Variants in ANKMY1 observed in about 807,000 individuals in gnomAD.
ANKMY1 encodes ankyrin repeat and MYND domain-containing protein 1.
Under a neutral mutation model 102.0 loss-of-function variants are expected in ANKMY1, and 98 were observed. That is an observed-to-expected ratio of 0.96 (90% CI 0.82 to 1.14). The LOEUF is 1.14. Ranked by LOEUF, ANKMY1 falls within the 50% of genes most tolerant of loss-of-function variation. The pLI is 0.00. For missense variants in ANKMY1, 1,330 were observed against 1,347.6 expected (o/e 0.99, Z 0.20); for synonymous variants, 582 against 559.9 (o/e 1.04, Z -0.56).
chr2:240,517,071 C>A (rs2081335140), intron 9 of ANKMY1, among the ~76,000 whole-genome samples: 1 of 152,180 alleles, frequency 6.6e-6, no homozygotes, highest in African/African-American at 2.4e-5. Flanking sequence ...GGAAACTATG[C>A]AAATATTTTT....
intron 15 of ANKMY1, among the ~76,000 whole-genome samples, chr2:240,498,891 C>T (rs2152012518): frequency 6.6e-6 from 1 of 152,264 alleles, no homozygotes; most frequent in South Asian, 2.1e-4. Flanking sequence ...TGGACAGGCT[C>T]CCCTTCGCCC....
At position 240,500,474 on chromosome 2, in the gene ANKMY1, T is replaced by C. The variant is rs201792868; in HGVS notation, c.2618A>G (p.Tyr873Cys). The C allele has an allele frequency of 5.0e-6, 8 of 1,614,000 alleles. No homozygotes were observed. The highest frequency in any genetic ancestry group is 1.3e-5 in the African/African-American group (1 of 75,046). Residue 873 changes from tyrosine to cysteine, a missense_variant, in exon 14 of 18, where the codon TAT (tyrosine) becomes TGT (cysteine). Physicochemically the swap from Tyr to Cys is radical, Grantham distance 194. Coordinates refer to ENST00000401804, the MANE Select transcript of ANKMY1 (RefSeq NM_001282771.3). ...EKEAVGTAVD[Y>C]GYFRFFQDRR... is the part of the protein sequence containing the mutation. ...TACCTGGAAGAATCTGAAGTAGCCA[T>C]AGTCCACGGCTGTGCCCACTGCCTC...
chr2:240,494,733 C>T (rs984665491), intron 15 of ANKMY1, among the ~76,000 whole-genome samples: 20 of 151,990 alleles, frequency 1.3e-4, no homozygotes, highest in African/African-American at 4.8e-4. Context: ...TTCCTATATT[C>T]GCTTCAAGGG....
chr2:240,506,398 T>C lies in ANKMY1; in HGVS notation c.2526+1162A>G, dbSNP rs544962538. On this transcript the variant is annotated intron_variant, in intron 13 of 17. Coordinates refer to ENST00000401804, the MANE Select transcript of ANKMY1 (RefSeq NM_001282771.3). This position sits in a 1 kb window ranked among gnomAD's most constrained non-coding sequence, Gnocchi z 4.9. ...GTGCCGACTACCCACACACACTGTT[T>C]CATTCCATCCTCTGCCGCCTATGGA... 1.3e-5 allele frequency among the ~76,000 whole-genome samples: 2 copies of C among 152,198 alleles called. No homozygotes were observed. Among genetic ancestry groups the C allele is most frequent in the Non-Finnish European group, 2.9e-5 (2 of 68,038 alleles).
In ANKMY1 at chr2:240,482,238, T is replaced by C. The variant is rs1265196488; in HGVS notation, c.2830A>G (p.Met944Val). The C allele has an allele frequency of 6.2e-7, 1 of 1,612,728 alleles. No homozygotes were observed. The highest frequency in any genetic ancestry group is 1.3e-5 in the African/African-American group (1 of 74,886). ...GGCAGGCTGGGGCCCTTCTTCTTCATCCTGTGGCTGGGGATCAGCTCCGCT... is the reference window on the plus strand; with the variant it reads ...GGCAGGCTGGGGCCCTTCTTCTTCACCCTGTGGCTGGGGATCAGCTCCGCT... ...KRAELIPSHRMKKKGPSLPRG... is the reference protein window; with the variant it reads ...KRAELIPSHRVKKKGPSLPRG... The change falls in exon 16 of 18, where the codon ATG becomes GTG. Residue 944 changes from methionine to valine, a missense_variant. Transcript: ENST00000401804.
intron 1 of ANKMY1, among the ~76,000 whole-genome samples, chr2:240,557,628 TGGCCA>T (rs1325470615): frequency 1.3e-5 from 2 of 152,152 alleles, no homozygotes; most frequent in African/African-American, 2.4e-5. Flanking sequence ...CGCGGCCACG[TGGCCA>T]GGCCAGGCCC....
intron 9 of ANKMY1, among the ~76,000 whole-genome samples, chr2:240,517,340 G>C (rs1247383021): frequency 6.6e-6 from 1 of 152,204 alleles, no homozygotes; most frequent in East Asian, 1.9e-4. Context: ...GTCACTTTCT[G>C]TCAGGCCCAG....
At position 240,526,448 on chromosome 2, in the gene ANKMY1, G is replaced by C. The variant is rs1229159867; in HGVS notation, c.954-3C>G. ...AGCTGGTGTGAGCTGGCTTGTTCCT[G>C]GCAACACAACAAGTTTCAGTGGTCC... On this transcript the variant is annotated splice_region_variant and splice_polypyrimidine_tract_variant and intron_variant, in intron 5 of 17. Transcript: ENST00000401804. 6.2e-7 allele frequency: 1 copy of C among 1,614,048 alleles called. No individual in the cohort carries two copies. The highest frequency in any genetic ancestry group is 8.5e-7 in the Non-Finnish European group (1 of 1,180,028).
chr2:240,494,114 C>T (rs2076961060), intron 15 of ANKMY1, among the ~76,000 whole-genome samples: 1 of 152,026 alleles, frequency 6.6e-6, no homozygotes, highest in Non-Finnish European at 1.5e-5. Flanking sequence ...GTCTTGAAGC[C>T]AGGCTGGGTG....
chr2:240,554,626 C>T (rs1369557750), intron 3 of ANKMY1: 2 of 507,220 alleles, frequency 3.9e-6, no homozygotes, highest in Non-Finnish European at 7.1e-6. Context: ...AGAATAAGAA[C>T]TTATCTTCTT....
At chr2:240,501,916 G>A (rs2078251325) in intron 13 of ANKMY1, among the ~76,000 whole-genome samples, 2 of 152,326 alleles carry the variant, frequency 1.3e-5, no homozygotes, top group Admixed American at 6.5e-5. Context: ...ATCCACCCAT[G>A]AGACCCCCAT....
Position 240,524,249 on chromosome 2 carries a change from G to A in ANKMY1, c.1468C>T (p.Leu490Phe). 3.7e-6 allele frequency: 6 copies of A among 1,613,916 alleles called. No individual in the cohort carries two copies. Among genetic ancestry groups the A allele is most frequent in the Non-Finnish European group, 8.5e-7 (1 of 1,180,040 alleles). The part of the protein sequence containing the change: ...YELRPPPAPL[L>F]LPRVSGSHEG... ...TGGCTGCCTGAGACGCGTGGCAGGA[G>A]CAGTGGTGCTGGCGGTGGCCTCAGC... The change falls in exon 8 of 18, where the codon CTC becomes TTC. Residue 490 changes from leucine to phenylalanine, a missense_variant. By Grantham distance (22) the Leu-to-Phe change is conservative. Coordinates refer to ENST00000401804, the MANE Select transcript of ANKMY1 (RefSeq NM_001282771.3).
chr2:240,472,073 C>T, the ANKMY1 span, among the ~76,000 whole-genome samples: 5 of 151,922 alleles, frequency 3.3e-5, no homozygotes, highest in Non-Finnish European at 7.4e-5. Flanking sequence ...CTGGGAGACA[C>T]TCGTCTGAGT....
chr2:240,557,028 TA>T (rs11285932), intron 2 of ANKMY1, among the ~76,000 whole-genome samples, 161 bp downstream of exon 2: 94,351 of 152,020 alleles, frequency 0.62, 30,244 homozygotes, highest in South Asian at 0.83. Flanking sequence ...TTTTCCTCAG[TA>T]GGTTGCTGAC....
chr2:240,554,830 T>A (rs769568692), intron 3 of ANKMY1, 36 bp downstream of exon 3: 26 of 1,610,650 alleles, frequency 1.6e-5, no homozygotes, highest in Admixed American at 1.3e-4. Context: ...CCAGAGGCCC[T>A]AGGGGAGGAG....
chr2:240,536,073 C>T (rs928339614), intron 4 of ANKMY1, among the ~76,000 whole-genome samples: 5 of 152,248 alleles, frequency 3.3e-5, no homozygotes, highest in East Asian at 1.9e-4. Context: ...TATCTAGAGC[C>T]TGAACACTAA....
intron 15 of ANKMY1, among the ~76,000 whole-genome samples, chr2:240,493,274 C>A (rs1455158720): frequency 6.6e-6 from 1 of 152,152 alleles, no homozygotes; most frequent in African/African-American, 2.4e-5. Context: ...TTACAGTAAG[C>A]TGAGATTGTG....
chr2:240,484,499 T>C, intron 15 of ANKMY1, among the ~76,000 whole-genome samples: 1 of 152,170 alleles, frequency 6.6e-6, no homozygotes, highest in East Asian at 1.9e-4. Flanking sequence ...TGGCTAGCCA[T>C]ATGCAGAAAA....
Position 240,509,459 on chromosome 2 carries a change from G to T in ANKMY1, c.2287-4C>A. On this transcript the variant is annotated splice_region_variant and splice_polypyrimidine_tract_variant and intron_variant, in intron 11 of 17. Coordinates refer to ENST00000401804, the MANE Select transcript of ANKMY1 (RefSeq NM_001282771.3). ...GCCGGACTATGTCCCTGGCACACTG[G>T]GTGGGGAGAAATGACAGGTTAGAGA... 6.2e-7 allele frequency: 1 copy of T among 1,607,598 alleles called. No homozygotes were observed. The highest frequency in any genetic ancestry group is 1.1e-5 in the South Asian group (1 of 90,246).
Sources: gnomAD v4.1 joint callset for allele counts (sites outside exome capture counted in the v4.1 genomes callset) on GRCh38, gnomAD v4.1.1 for gene constraint, Gnocchi (gnomAD v3.1) non-coding constraint, MANE v1.5 for transcripts, NCBI Gene and HGNC (gene_info 2026-07-23, HGNC 2026-07-21) for gene names.